Variants in GOLPH3L observed in about 807,000 individuals in gnomAD.
GOLPH3L encodes the protein Golgi phosphoprotein 3-like.
A neutral mutation model predicts 30.3 loss-of-function variants in GOLPH3L; 22 were observed. The ratio of observed to expected loss-of-function variants is 0.73; its 90% CI spans 0.52 to 1.04. The LOEUF (loss-of-function observed/expected upper bound fraction) is 1.04, where lower values mean the gene tolerates loss of function less well. Among genes scored for constraint, GOLPH3L ranks in the 50% least tolerant of loss-of-function variants. GOLPH3L has a pLI of 0.00. For synonymous variants in GOLPH3L, 120 were observed against 128.2 expected (o/e 0.94, Z 0.43); for missense variants, 303 against 345.8 (o/e 0.88, Z 0.98).
intron 4 of GOLPH3L, among the ~76,000 whole-genome samples, chr1:150,659,390 C>T (rs587697675): frequency 9.9e-5 from 15 of 152,270 alleles, no homozygotes; most frequent in East Asian, 3.9e-4. Context: ...CCACCCAGGG[C>T]GGAAAACTGC....
chr1:150,667,581 C>CT (rs940783149), intron 2 of GOLPH3L, among the ~76,000 whole-genome samples: 6 of 145,746 alleles, frequency 4.1e-5, no homozygotes, highest in South Asian at 2.2e-4. Context: ...CTAGTCTTTT[C>CT]TTTTTTTTTC....
chr1:150,676,023 A>G (rs1177841614), intron 2 of GOLPH3L, among the ~76,000 whole-genome samples: 1 of 146,174 alleles, frequency 6.8e-6, no homozygotes, highest in African/African-American at 2.5e-5. Context: ...GCTGCAGTAG[A>G]GGTGCAGTGG....
intron 4 of GOLPH3L, among the ~76,000 whole-genome samples, 174 bp from the exon 5 acceptor site, chr1:150,648,922 T>G (rs1369309037): frequency 6.6e-6 from 1 of 152,250 alleles, no homozygotes; most frequent in Non-Finnish European, 1.5e-5. Context: ...CATTTCACAT[T>G]AAACCAGCTT....
rs1651108086 is a variant in GOLPH3L, at chr1:150,687,356, TC to T, written c.183+7299del. Among the ~76,000 whole-genome samples, 4 of 152,018 alleles carry T rather than the reference TC, an allele frequency of 2.6e-5. No homozygotes were observed. The South Asian group carries it at 8.3e-4, about 32-fold the overall frequency. On this transcript the variant is annotated intron_variant, in intron 2 of 4. Coordinates refer to ENST00000271732, the MANE Select transcript of GOLPH3L (RefSeq NM_018178.6). The stretch of plus-strand genomic sequence containing the variant: ...ACTTTGGGAGGTCGAGGCAGGCGGA[TC>T]ACCTGAGGTCAGGAGTTCGACACCA...
intron 4 of GOLPH3L, among the ~76,000 whole-genome samples, chr1:150,651,925 G>C (rs952383367): frequency 3.3e-5 from 5 of 152,096 alleles, no homozygotes; most frequent in Admixed American, 1.3e-4. Flanking sequence ...CTAAAATCTT[G>C]CCAAACGTGA....
intron 2 of GOLPH3L, among the ~76,000 whole-genome samples, chr1:150,683,270 C>T (rs1253260057): frequency 2.0e-5 from 3 of 152,076 alleles, no homozygotes; most frequent in Non-Finnish European, 4.4e-5. Context: ...GGAGCGGTGG[C>T]TCACGCCTGT....
At chr1:150,696,432 T>G (rs1379613002) in intron 1 of GOLPH3L, among the ~76,000 whole-genome samples, 1 of 152,156 alleles carries the variant, frequency 6.6e-6, no homozygotes, top group Non-Finnish European at 1.5e-5. Flanking sequence ...TTGGTATAGC[T>G]GTCTCTCAAC....
Position 150,648,744 on chromosome 1 carries a change from C to G in GOLPH3L, c.435G>C (p.Glu145Asp). 1 of 1,598,498 alleles carries G rather than the reference C, an allele frequency of 6.3e-7. No individual in the cohort carries two copies. Among genetic ancestry groups the G allele is most frequent in the Non-Finnish European group, 8.6e-7 (1 of 1,166,744 alleles). ...ACTGTAATTTGAAGGGGTTCCAGGTCTCACCTATGAGAAAAAAGAAATAGG... is the reference window on the plus strand; with the variant it reads ...ACTGTAATTTGAAGGGGTTCCAGGTGTCACCTATGAGAAAAAAGAAATAGG... ...VQTWIELLTGETWNPFKLQYQ... is the reference protein window; with the variant it reads ...VQTWIELLTGDTWNPFKLQYQ... Residue 145 changes from glutamate (E) to aspartate (D), a missense_variant, in exon 5 of 5, where the codon GAG becomes GAC. Transcript: ENST00000271732.
At chr1:150,694,139 G>T (rs746833090) in intron 2 of GOLPH3L, 1 of 447,704 alleles carries the variant, frequency 2.2e-6, no homozygotes, top group Non-Finnish European at 4.6e-6. Context: ...GATTACAGGC[G>T]TGAGCCACCG....
rs180742859 is a variant in GOLPH3L, at chr1:150,666,010, A to C, written c.184-2247T>G. On this transcript the variant is annotated intron_variant, in intron 2 of 4. Transcript: ENST00000271732. ...TCTTCCAGCTTCTAATATAGCAGTG[A>C]GAAATCTATCTTTCTTATTGATTGT... is the stretch of plus-strand genomic sequence containing the variant. 2.7e-4 allele frequency among the ~76,000 whole-genome samples: 41 copies of C among 152,274 alleles called. No individual in the cohort carries two copies. In the East Asian group the frequency reaches 6.2e-3, roughly 23 times the overall value.
At chr1:150,691,387 G>C (rs1274202064) in intron 2 of GOLPH3L, among the ~76,000 whole-genome samples, 3 of 151,988 alleles carry the variant, frequency 2.0e-5, no homozygotes, top group Non-Finnish European at 4.4e-5. Flanking sequence ...ATGGTGGCGG[G>C]TGCCTGTAAT....
chr1:150,694,920 A>C, intron 1 of GOLPH3L, 70 bp from the exon 2 acceptor site: 1 of 766,518 alleles, frequency 1.3e-6, no homozygotes, highest in Non-Finnish European at 2.2e-6. Flanking sequence ...TCATACATGC[A>C]TACTAAACAT....
intron 2 of GOLPH3L, among the ~76,000 whole-genome samples, chr1:150,673,903 T>A (rs1650702007): frequency 7.6e-6 from 1 of 131,128 alleles, no homozygotes; most frequent in Non-Finnish European, 1.6e-5. Context: ...CCAACCTGGG[T>A]GACAAAGTGA....
chr1:150,675,977 T>A, intron 2 of GOLPH3L, among the ~76,000 whole-genome samples: 2 of 130,388 alleles, frequency 1.5e-5, no homozygotes, highest in East Asian at 2.6e-4. Context: ...CCTCCCTTCC[T>A]TTTTTTTTTT....
intron 2 of GOLPH3L, among the ~76,000 whole-genome samples, chr1:150,674,903 AAG>A (rs944906991): frequency 3.3e-5 from 5 of 151,816 alleles, no homozygotes; most frequent in African/African-American, 9.7e-5. Context: ...AAGGAAAAAA[AAG>A]AGAGAAACAG....
At chr1:150,688,855 G>A (rs137896025) in intron 2 of GOLPH3L, among the ~76,000 whole-genome samples, 137 of 151,968 alleles carry the variant, frequency 9.0e-4, no homozygotes, top group African/African-American at 3.0e-3. Context: ...TCTGATTTAC[G>A]TGCTTTTCCT....
intron 2 of GOLPH3L, among the ~76,000 whole-genome samples, chr1:150,666,982 A>T (rs587658047): frequency 8.4e-4 from 128 of 152,266 alleles, no homozygotes; most frequent in African/African-American, 3.0e-3. Context: ...GGAGGCCTAA[A>T]TTGAGGACAT....
rs587752244 is a variant in GOLPH3L, at chr1:150,676,808, T to A, written c.184-13045A>T. On this transcript the variant is annotated intron_variant, in intron 2 of 4. Coordinates refer to ENST00000271732, the MANE Select transcript of GOLPH3L (RefSeq NM_018178.6). ...ACAGCCACCCGCCACCAAGCCTGGCTAATTTTTGTATTTTTAGTAGAGACT... is the reference window on the plus strand; with the variant it reads ...ACAGCCACCCGCCACCAAGCCTGGCAAATTTTTGTATTTTTAGTAGAGACT... Among the ~76,000 whole-genome samples, 4 of 151,560 alleles carry A rather than the reference T, an allele frequency of 2.6e-5. No individual in the cohort carries two copies. In the East Asian group the frequency reaches 7.8e-4, roughly 30 times the overall value.
At position 150,677,321 on chromosome 1, in the gene GOLPH3L, C is replaced by T. The variant is rs370109398; in HGVS notation, c.184-13558G>A. On this transcript the variant is annotated intron_variant, in intron 2 of 4. Transcript: ENST00000271732. ...GTGTGATCTTGGCTTACGGCAACTT[C>T]TGCCTCCTGGGTCCAAGTGATTCTC... Among the ~76,000 whole-genome samples, 18 of 152,112 alleles carry T rather than the reference C, an allele frequency of 1.2e-4. 1 individual carries two copies. The South Asian group carries it at 3.7e-3, about 32-fold the overall frequency.
Sources: allele counts gnomAD v4.1 joint callset (sites outside exome capture counted in the v4.1 genomes callset), GRCh38; gene constraint gnomAD v4.1.1; transcripts MANE v1.5; gene names NCBI Gene and HGNC (gene_info 2026-07-23, HGNC 2026-07-21).